SPIDR: variants seen among roughly 807,000 people sequenced by gnomAD.
SPIDR encodes the protein DNA repair-scaffolding protein.
In SPIDR, 93 loss-of-function variants were observed where a neutral mutation model predicts 104.6. The ratio of observed to expected loss-of-function variants is 0.89; its 90% CI spans 0.75 to 1.06. The LOEUF (loss-of-function observed/expected upper bound fraction) is 1.06. Among genes scored for constraint, SPIDR ranks in the 50% least tolerant of loss-of-function variants. The pLI is 0.00. For synonymous variants in SPIDR, 431 were observed against 416.9 expected, an observed-to-expected ratio of 1.03 and a Z score of -0.41; for missense variants, 1,154 against 1,111.2, an observed-to-expected ratio of 1.04 and a Z score of -0.55.
At chr8:47,284,431 G>A (rs1162364757) in intron 3 of SPIDR, among the ~76,000 whole-genome samples, 4 of 152,052 alleles carry the variant, frequency 2.6e-5, no homozygotes, top group Non-Finnish European at 5.9e-5. Context: ...TTTTTAATCT[G>A]ATTTGGGAAA....
Position 47,713,393 on chromosome 8 carries a change from C to T in SPIDR, c.2189-96C>T, listed in dbSNP as rs2082140646. 4 of 1,549,584 alleles carry T rather than the reference C, an allele frequency of 2.6e-6. No homozygotes were observed. In the East Asian group the frequency reaches 9.0e-5, roughly 35 times the overall value. On this transcript the variant is annotated intron_variant, in intron 15 of 19. Coordinates refer to ENST00000297423, the MANE Select transcript of SPIDR (RefSeq NM_001080394.4). ...CACAGTCCCATAACTGCACCTTCAC[C>T]TGCATGACTCGAGGGGTAGCAAAGG...
intron 10 of SPIDR, among the ~76,000 whole-genome samples, chr8:47,645,861 A>G (rs1342826875): frequency 6.6e-6 from 1 of 152,254 alleles, no homozygotes; most frequent in Non-Finnish European, 1.5e-5. Flanking sequence ...CAAATGAATC[A>G]AAGATTTAAA....
chr8:47,518,500 C>G (rs2083487601), intron 8 of SPIDR, among the ~76,000 whole-genome samples: 1 of 151,856 alleles, frequency 6.6e-6, no homozygotes, highest in South Asian at 2.1e-4. Context: ...TATGGTGGTC[C>G]CATTATGTGT....
chr8:47,366,678 A>G (rs1395229231), intron 5 of SPIDR, among the ~76,000 whole-genome samples: 1 of 152,200 alleles, frequency 6.6e-6, no homozygotes, highest in Non-Finnish European at 1.5e-5. Flanking sequence ...AATCTGAGAA[A>G]GGGGGAGGAT....
At chr8:47,401,749 A>T (rs1467606688) in intron 6 of SPIDR, among the ~76,000 whole-genome samples, 1 of 152,248 alleles carries the variant, frequency 6.6e-6, no homozygotes, top group Non-Finnish European at 1.5e-5. Flanking sequence ...GCCATTACAT[A>T]ATGGTAAAGG....
intron 8 of SPIDR, among the ~76,000 whole-genome samples, chr8:47,457,586 G>C (rs2073203775): frequency 6.6e-6 from 1 of 152,104 alleles, no homozygotes; most frequent in Non-Finnish European, 1.5e-5. Flanking sequence ...CCATGCAAAA[G>C]CTCTTTAGTT....
intron 19 of SPIDR, among the ~76,000 whole-genome samples, 200 bp from the exon 20 acceptor site, chr8:47,735,106 GT>G (rs1258270125): frequency 1.6e-5 from 2 of 127,632 alleles, no homozygotes; most frequent in Non-Finnish European, 3.2e-5. Flanking sequence ...GTGTGTGTGT[GT>G]GTGGGTGTGT....
At position 47,317,607 on chromosome 8, in the gene SPIDR, C is replaced by T. The variant is rs2045628760; in HGVS notation, c.525+23577C>T. ...GCTTCGAAGAGAGTAGTGGTTCTCCCAGCACGCAGCTGGAGGTCTGAGAAC... is the reference window on the plus strand; with the variant it reads ...GCTTCGAAGAGAGTAGTGGTTCTCCTAGCACGCAGCTGGAGGTCTGAGAAC... On this transcript the variant is annotated intron_variant, in intron 5 of 19. Coordinates refer to ENST00000297423, the MANE Select transcript of SPIDR (RefSeq NM_001080394.4). 3.9e-5 allele frequency among the ~76,000 whole-genome samples: 6 copies of T among 152,248 alleles called. No individual in the cohort carries two copies. The South Asian group carries it at 1.2e-3, about 32-fold the overall frequency.
At chr8:47,732,425 G>T in intron 19 of SPIDR, 1 of 541,752 alleles carries the variant, frequency 1.8e-6, no homozygotes, top group Non-Finnish European at 3.3e-6. Context: ...GTGTATGTGT[G>T]TGCATTGGGT....
At chr8:47,618,922 T>TA (rs1401157197) in intron 10 of SPIDR, among the ~76,000 whole-genome samples, 5 of 152,362 alleles carry the variant, frequency 3.3e-5, no homozygotes, top group African/African-American at 9.6e-5. Flanking sequence ...AAAAGTGTGT[T>TA]ACCATTTGGT....
Position 47,736,206 on chromosome 8 carries a change from T to C in SPIDR, c.*756T>C, listed in dbSNP as rs2086220039. The C allele has an allele frequency of 6.5e-6, 1 of 152,734 alleles. No homozygotes were observed. Among genetic ancestry groups the C allele is most frequent in the Non-Finnish European group, 1.5e-5 (1 of 68,414 alleles). The allele number at this position is 152,734 out of a possible 1,614,324, so 9.5% of individuals were successfully genotyped here. On this transcript the variant is annotated 3_prime_UTR_variant, in exon 20 of 20. Transcript: ENST00000297423. ...TATAAAGATTTTGTTCCCTTCCTTA[T>C]AGCAATATAATCATGACAGGCCATG...
At chr8:47,407,763 CTGTT>C in intron 6 of SPIDR, 94 bp from the exon 7 acceptor site, 2 of 585,580 alleles carry the variant, frequency 3.4e-6, no homozygotes, top group Non-Finnish European at 5.8e-6. Context: ...CATGTTTTAT[CTGTT>C]TGTCTCTGGT....
At chr8:47,648,285 T>A (rs2070948433) in intron 10 of SPIDR, among the ~76,000 whole-genome samples, 1 of 152,190 alleles carries the variant, frequency 6.6e-6, no homozygotes, top group African/African-American at 2.4e-5. Context: ...ACAAGATGAA[T>A]GGTGATACCA....
chr8:47,532,468 CAG>C (rs1411289940), intron 8 of SPIDR, among the ~76,000 whole-genome samples: 1 of 152,168 alleles, frequency 6.6e-6, no homozygotes, highest in Non-Finnish European at 1.5e-5. Context: ...CATTGATCAA[CAG>C]AAAGCTGGAG....
intron 1 of SPIDR, among the ~76,000 whole-genome samples, chr8:47,264,126 G>A (rs116051814): frequency 3.1e-3 from 471 of 152,314 alleles, no homozygotes; most frequent in African/African-American, 0.011. Flanking sequence ...TGATTTTGCA[G>A]TTTTGGACAA....
chr8:47,327,202 G>C (rs2047802483), intron 5 of SPIDR, among the ~76,000 whole-genome samples: 1 of 152,070 alleles, frequency 6.6e-6, no homozygotes, highest in African/African-American at 2.4e-5. Flanking sequence ...AGCTAATGAT[G>C]ATGAGCACTG....
intron 8 of SPIDR, among the ~76,000 whole-genome samples, chr8:47,497,313 T>C (rs561715508): frequency 1.8e-4 from 28 of 152,126 alleles, no homozygotes; most frequent in Non-Finnish European, 3.2e-4. Context: ...TGATTTGAGG[T>C]CTGTCTTTTT....
intron 5 of SPIDR, among the ~76,000 whole-genome samples, chr8:47,310,053 G>T (rs587769461): frequency 1.1e-3 from 158 of 149,118 alleles, no homozygotes; most frequent in African/African-American, 3.8e-3. Context: ...GTAATAAGTC[G>T]GCCAGCGCTG....
chr8:47,396,302 A>T, intron 5 of SPIDR, 74 bp from the exon 6 acceptor site: 1 of 1,209,320 alleles, frequency 8.3e-7, no homozygotes, highest in Non-Finnish European at 1.2e-6. Context: ...GGAATGATAG[A>T]TGTATATAAA....
Sources: allele counts gnomAD v4.1 joint callset (sites outside exome capture counted in the v4.1 genomes callset), GRCh38; gene constraint gnomAD v4.1.1; transcripts MANE v1.5; gene names NCBI Gene and HGNC (gene_info 2026-07-23, HGNC 2026-07-21).